FOXN3: variants seen among roughly 807,000 people sequenced by gnomAD.
FOXN3 encodes forkhead box protein N3.
In FOXN3, 7 loss-of-function variants were observed where a neutral mutation model predicts 38.4. The observed-to-expected ratio is 0.18, with a 90% CI of 0.10 to 0.34. FOXN3 has a LOEUF of 0.34. Among genes scored for constraint, FOXN3 ranks in the 10% least tolerant of loss-of-function variants. The pLI is 1.00. For missense variants in FOXN3, 456 were observed against 613.4 expected (o/e 0.74, Z 2.71); for synonymous variants, 230 against 242.2 (o/e 0.95, Z 0.47).
chr14:89,395,646 G>A (rs1891081011), intron 2 of FOXN3, among the ~76,000 whole-genome samples: 1 of 152,102 alleles, frequency 6.6e-6, no homozygotes, highest in Admixed American at 6.6e-5. Flanking sequence ...CCTAGCATAA[G>A]CCTGTTTACA....
intron 1 of FOXN3, among the ~76,000 whole-genome samples, chr14:89,509,243 C>T (rs960345547): frequency 2.0e-5 from 3 of 152,218 alleles, no homozygotes; most frequent in African/African-American, 7.2e-5. Flanking sequence ...AGCACCCATG[C>T]TTGCATCTCC....
At chr14:89,337,818 T>C (rs1193815081) in intron 3 of FOXN3, among the ~76,000 whole-genome samples, 3 of 151,994 alleles carry the variant, frequency 2.0e-5, no homozygotes, top group Non-Finnish European at 4.4e-5. Context: ...TTAGTAGGGA[T>C]GGGGTTTCAC....
At chr14:89,386,250 A>G (rs748848497) in intron 2 of FOXN3, among the ~76,000 whole-genome samples, 1 of 152,258 alleles carries the variant, frequency 6.6e-6, no homozygotes, top group Non-Finnish European at 1.5e-5. Flanking sequence ...TGCACAGAGC[A>G]CTTGCTAAGT....
intron 3 of FOXN3, among the ~76,000 whole-genome samples, chr14:89,318,115 T>C (rs554233657): frequency 1.2e-4 from 18 of 151,450 alleles, no homozygotes; most frequent in African/African-American, 4.1e-4. Context: ...TATGTTTTAA[T>C]CTTCCCTCCT....
chr14:89,493,119 G>A (rs76632682), intron 1 of FOXN3, among the ~76,000 whole-genome samples: 4,926 of 152,232 alleles, frequency 0.032, 91 homozygotes, highest in Non-Finnish European at 0.038. Context: ...ACCTATGGTC[G>A]GAAAACTAAC....
chr14:89,449,015 G>A (rs1596278172), intron 1 of FOXN3, among the ~76,000 whole-genome samples: 2 of 152,094 alleles, frequency 1.3e-5, no homozygotes, highest in South Asian at 4.1e-4. Context: ...TTGGGTCAAG[G>A]TTACCTTCTG....
chr14:89,425,655 G>A (rs563863430), intron 1 of FOXN3, among the ~76,000 whole-genome samples: 57 of 152,080 alleles, frequency 3.7e-4, no homozygotes, highest in Non-Finnish European at 6.3e-4. Flanking sequence ...ATGAGCCACC[G>A]CGCCCAGCCT....
At chr14:89,374,309 GA>G (rs1211791587) in intron 2 of FOXN3, among the ~76,000 whole-genome samples, 1 of 101,442 alleles carries the variant, frequency 9.9e-6, no homozygotes, top group East Asian at 2.6e-4. Flanking sequence ...GAAAGGAAAA[GA>G]AAAAGAAAAA....
intron 4 of FOXN3, among the ~76,000 whole-genome samples, chr14:89,205,018 G>C (rs1013142573): frequency 1.4e-5 from 2 of 142,664 alleles, no homozygotes; most frequent in African/African-American, 6.1e-5. Context: ...TGAGCGAATG[G>C]GAAATGGGTT....
intron 4 of FOXN3, chr14:89,190,259 G>A (rs1887908615): frequency 5.9e-6 from 4 of 681,024 alleles, no homozygotes; most frequent in Non-Finnish European, 5.0e-6. Flanking sequence ...CACTTATGTA[G>A]CTTTTAAAGT....
intron 1 of FOXN3, among the ~76,000 whole-genome samples, chr14:89,504,216 A>G (rs1184463205): frequency 1.3e-5 from 2 of 152,226 alleles, no homozygotes; most frequent in Non-Finnish European, 2.9e-5. Context: ...TTCAGGGGAC[A>G]CCAACCCCCA....
intron 3 of FOXN3, among the ~76,000 whole-genome samples, chr14:89,320,038 T>C (rs1018382266): frequency 6.6e-6 from 1 of 152,178 alleles, no homozygotes; most frequent in African/African-American, 2.4e-5. Flanking sequence ...AATTAAAACT[T>C]TAATTAACTG....
At chr14:89,277,084 A>G (rs557989388) in intron 4 of FOXN3, among the ~76,000 whole-genome samples, 9 of 152,338 alleles carry the variant, frequency 5.9e-5, no homozygotes, top group African/African-American at 2.2e-4. Context: ...TTTAAGTTTG[A>G]TGGGTGAATG....
intron 1 of FOXN3, among the ~76,000 whole-genome samples, chr14:89,538,799 A>T (rs1039799140): frequency 3.3e-5 from 5 of 152,056 alleles, no homozygotes; most frequent in African/African-American, 1.2e-4. Flanking sequence ...AATTACAGGC[A>T]TGAGTCACCG....
intron 1 of FOXN3, among the ~76,000 whole-genome samples, chr14:89,507,725 C>G (rs1893974794): frequency 6.6e-6 from 1 of 151,942 alleles, no homozygotes; most frequent in African/African-American, 2.4e-5. Flanking sequence ...TTGCCACTAC[C>G]TGCTCATCAA....
intron 1 of FOXN3, among the ~76,000 whole-genome samples, chr14:89,597,155 T>G (rs1386614874): frequency 2.6e-5 from 4 of 152,226 alleles, no homozygotes; most frequent in Non-Finnish European, 5.9e-5. Context: ...CAATTTTTGC[T>G]GTCATATTTT....
chr14:89,511,474 TTGTAGAG>T, intron 1 of FOXN3, among the ~76,000 whole-genome samples: 5 of 151,558 alleles, frequency 3.3e-5, no homozygotes, highest in Non-Finnish European at 5.9e-5. Flanking sequence ...AAAAATTTTT[TTGTAGAG>T]ATAGGGTTTC....
At position 89,157,863 on chromosome 14, in the gene FOXN3, C is replaced by T. The variant is rs1480893732; in HGVS notation, c.*4551G>A. ...ACGACACTAAGGACTTAACTGTCAA[C>T]ACTGGGAAGTCACAATCAAGAGGAA... is the stretch of plus-strand genomic sequence containing the variant. On this transcript the variant is annotated 3_prime_UTR_variant, in exon 6 of 6. Coordinates refer to ENST00000557258, the MANE Select transcript of FOXN3 (RefSeq NM_005197.4). 6.6e-6 allele frequency: 1 copy of T among 152,614 alleles called. No individual in the cohort carries two copies. Among genetic ancestry groups the T allele is most frequent in the Non-Finnish European group, 1.5e-5 (1 of 68,042 alleles). 9.5% of individuals were successfully genotyped at this position (152,614 alleles called of 1,614,324 possible). A position where few individuals can be genotyped will look rare whatever the true frequency, so the allele number is the denominator to read the frequency against.
chr14:89,365,893 G>A (rs1201510243), intron 2 of FOXN3, among the ~76,000 whole-genome samples: 1 of 152,104 alleles, frequency 6.6e-6, no homozygotes, highest in Non-Finnish European at 1.5e-5. Context: ...TAACATGAAA[G>A]TTAAATAATT....
Sources: allele counts gnomAD v4.1 joint callset (sites outside exome capture counted in the v4.1 genomes callset), GRCh38; gene constraint gnomAD v4.1.1; transcripts MANE v1.5; gene names NCBI Gene and HGNC (gene_info 2026-07-23, HGNC 2026-07-21).